LARGE1: variants seen among roughly 807,000 people sequenced by gnomAD.
LARGE1 encodes the protein xylosyl- and glucuronyltransferase LARGE1.
Under a neutral mutation model 87.6 loss-of-function variants are expected in LARGE1, and 43 were observed. The ratio of observed to expected loss-of-function variants is 0.49; its 90% confidence interval spans 0.38 to 0.63. The LOEUF is 0.63. Ranked by LOEUF, LARGE1 falls within the 30% of genes least tolerant of loss-of-function variation. LARGE1 has a pLI of 0.00. For missense variants in LARGE1, 802 were observed against 1,000.2 expected, an observed-to-expected ratio of 0.80 and a Z score of 2.67; for synonymous variants, 434 against 394.6, an observed-to-expected ratio of 1.10 and a Z score of -1.18.
At chr22:33,545,869 C>T (rs2077348440) in intron 6 of LARGE1, among the ~76,000 whole-genome samples, 1 of 152,198 alleles carries the variant, frequency 6.6e-6, no homozygotes, top group South Asian at 2.1e-4. Flanking sequence ...CAGGCGTGAG[C>T]CATGGCAGGT....
At chr22:33,115,815 CA>C in the LARGE1 span, among the ~76,000 whole-genome samples, 866 of 97,946 alleles carry the variant, frequency 8.8e-3, 8 homozygotes, top group African/African-American at 0.033. Flanking sequence ...GACTCTGTCT[CA>C]AAAAAAAAAA....
chr22:33,584,710 T>C (rs1370101636), intron 5 of LARGE1, among the ~76,000 whole-genome samples: 2 of 151,364 alleles, frequency 1.3e-5, no homozygotes, highest in South Asian at 4.2e-4. Context: ...TGGCAGTCCA[T>C]CCATCTTAAT....
the LARGE1 span, among the ~76,000 whole-genome samples, chr22:33,089,253 TGTC>T: frequency 2.6e-5 from 4 of 151,920 alleles, no homozygotes; most frequent in African/African-American, 9.7e-5. Flanking sequence ...TTGTTTCTTC[TGTC>T]TTCTTCCTCT....
At chr22:33,184,763 A>G (rs1009275366) in intron 11 of LARGE1, among the ~76,000 whole-genome samples, 1 of 152,180 alleles carries the variant, frequency 6.6e-6, no homozygotes, top group Admixed American at 6.6e-5. Flanking sequence ...CTGAACAGAC[A>G]TCTCACCAAA....
chr22:33,478,293 C>T (rs1471000074), intron 6 of LARGE1, among the ~76,000 whole-genome samples: 1 of 152,198 alleles, frequency 6.6e-6, no homozygotes, highest in Admixed American at 6.5e-5. Flanking sequence ...CTTTGAGCTT[C>T]AAAACACATG....
intron 11 of LARGE1, among the ~76,000 whole-genome samples, chr22:33,236,133 C>CA (rs1234071713): frequency 6.6e-6 from 1 of 152,242 alleles, no homozygotes; most frequent in Non-Finnish European, 1.5e-5. Flanking sequence ...TTAGATCCCC[C>CA]AAAAGGAACC....
At chr22:33,731,230 C>T (rs1212204217) in intron 2 of LARGE1, among the ~76,000 whole-genome samples, 1 of 151,582 alleles carries the variant, frequency 6.6e-6, no homozygotes, top group African/African-American at 2.4e-5. Flanking sequence ...GTCTCGATCT[C>T]CTGAACTTGT....
intron 2 of LARGE1, among the ~76,000 whole-genome samples, chr22:33,684,609 A>G (rs934330054): frequency 6.6e-6 from 1 of 152,186 alleles, no homozygotes; most frequent in African/African-American, 2.4e-5. Flanking sequence ...TTGAGAACCT[A>G]GCTCAGGAGA....
chr22:33,067,040 C>G, the LARGE1 span, among the ~76,000 whole-genome samples: 1 of 151,982 alleles, frequency 6.6e-6, no homozygotes, highest in Non-Finnish European at 1.5e-5. Flanking sequence ...TGAGTTCCAG[C>G]AGCATTCCTT....
chr22:33,454,653 G>A (rs2068062441), intron 6 of LARGE1, among the ~76,000 whole-genome samples: 1 of 151,398 alleles, frequency 6.6e-6, no homozygotes, highest in Non-Finnish European at 1.5e-5. Flanking sequence ...AAGAAAAGAG[G>A]TTTAATTGGC....
chr22:33,143,688 A>G, the LARGE1 span, among the ~76,000 whole-genome samples: 5 of 152,182 alleles, frequency 3.3e-5, no homozygotes, highest in Non-Finnish European at 7.4e-5. Flanking sequence ...CAACCTTGCC[A>G]ATTGGATATT....
intron 2 of LARGE1, among the ~76,000 whole-genome samples, chr22:33,676,372 C>CAAAAAAAAAA (rs10567981): frequency 3.1e-4 from 5 of 16,304 alleles, no homozygotes; most frequent in South Asian, 5.7e-3. Flanking sequence ...GATTCAATGG[C>CAAAAAAAAAA]AAAAAAAAAA....
At chr22:33,643,639 A>C (rs370011932) in intron 3 of LARGE1, among the ~76,000 whole-genome samples, 30 of 152,282 alleles carry the variant, frequency 2.0e-4, no homozygotes, top group Admixed American at 1.2e-3. Context: ...TCTTTTGAAA[A>C]GATTAACAAA....
At position 33,537,156 on chromosome 22, in the gene LARGE1, C is replaced by T. The variant is rs186435794; in HGVS notation, c.787+27692G>A. Among the ~76,000 whole-genome samples the T allele has an allele frequency of 3.9e-5, 6 of 152,320 alleles. No homozygotes were observed. In the East Asian group the frequency reaches 1.2e-3, roughly 29 times the overall value. On this transcript the variant is annotated intron_variant, in intron 6 of 14. Coordinates refer to ENST00000397394, the MANE Select transcript of LARGE1 (RefSeq NM_133642.5). ...TGTCAGTTTTCCTATTCCTTCTGTA[C>T]CACATTTCACTACAAATGACGTGGC...
At chr22:33,611,750 T>G (rs1450699092) in intron 4 of LARGE1, among the ~76,000 whole-genome samples, 3 of 152,160 alleles carry the variant, frequency 2.0e-5, no homozygotes, top group Admixed American at 6.5e-5. Context: ...TTTGGATATT[T>G]TTCCCCCACT....
chr22:33,640,451 C>T (rs1053684657), intron 3 of LARGE1, among the ~76,000 whole-genome samples: 4 of 152,162 alleles, frequency 2.6e-5, no homozygotes, highest in African/African-American at 9.7e-5. Context: ...AAGAACAAAA[C>T]CTAATTCTCA....
intron 7 of LARGE1, among the ~76,000 whole-genome samples, chr22:33,408,769 C>T (rs2066198063): frequency 7.9e-6 from 1 of 125,968 alleles, no homozygotes; most frequent in South Asian, 2.4e-4. Context: ...CAAAAATGGC[C>T]AGGGGGGGTC....
intron 6 of LARGE1, among the ~76,000 whole-genome samples, chr22:33,479,466 T>C (rs2069218185): frequency 1.3e-5 from 2 of 152,176 alleles, no homozygotes; most frequent in Non-Finnish European, 2.9e-5. Flanking sequence ...ATAAACTCCA[T>C]AGAAACAGGG....
the LARGE1 span, among the ~76,000 whole-genome samples, chr22:33,132,082 A>G: frequency 3.9e-5 from 6 of 152,116 alleles, no homozygotes; most frequent in South Asian, 1.2e-3. Flanking sequence ...TCCTCCCATG[A>G]CACATGGGAA....
Sources: gnomAD v4.1 joint callset for allele counts (sites outside exome capture counted in the v4.1 genomes callset) on GRCh38, gnomAD v4.1.1 for gene constraint, MANE v1.5 for transcripts, NCBI Gene and HGNC (gene_info 2026-07-23, HGNC 2026-07-21) for gene names.